Variants in URI1 observed in about 807,000 individuals in gnomAD.
URI1 encodes URI1 prefoldin like chaperone, also known as unconventional prefoldin RPB5 interactor 1.
A neutral mutation model predicts 60.2 loss-of-function variants in URI1; 39 were observed. The ratio of observed to expected loss-of-function variants is 0.65; its 90% CI spans 0.50 to 0.85. URI1 has a LOEUF of 0.85. Among genes scored for constraint, URI1 ranks in the 40% least tolerant of loss-of-function variants. The probability of loss-of-function intolerance (pLI) is 0.00; values close to 1 mark genes in which losing one functional copy is unlikely to be tolerated. For synonymous variants in URI1, 251 were observed against 236.8 expected, an observed-to-expected ratio of 1.06 and a Z score of -0.55; for missense variants, 691 against 665.9, an observed-to-expected ratio of 1.04 and a Z score of -0.42.
intron 6 of URI1, among the ~76,000 whole-genome samples, chr19:30,006,261 C>T (rs961137589): frequency 2.6e-5 from 4 of 152,098 alleles, no homozygotes; most frequent in African/African-American, 7.2e-5. Flanking sequence ...ATGGTTCCTT[C>T]GTCAGTTGTA....
At chr19:29,946,116 G>A (rs1451204422) in intron 1 of URI1, among the ~76,000 whole-genome samples, 1 of 152,146 alleles carries the variant, frequency 6.6e-6, no homozygotes. Context: ...AAGATACAGG[G>A]AGAGGAGAGA....
At chr19:30,005,820 A>G in intron 6 of URI1, 112 bp downstream of exon 6, 2 of 925,218 alleles carry the variant, frequency 2.2e-6, no homozygotes, top group Non-Finnish European at 3.2e-6. Flanking sequence ...TTAAATTCAT[A>G]GGATGCCAAC....
rs1401625785 is a variant in URI1, at chr19:30,015,714, G to A, written c.*645G>A. On this transcript the variant is annotated 3_prime_UTR_variant, in exon 11 of 11. Transcript: ENST00000392271. ...TATGAAACTTGGTCTCAAAAATGTT[G>A]TGAACTTTATGATTCAAAATTGAGT... 6 of 873,188 alleles carry A rather than the reference G, an allele frequency of 6.9e-6. No homozygotes were observed. Among genetic ancestry groups the A allele is most frequent in the Non-Finnish European group, 1.0e-5 (6 of 580,744 alleles). 54.1% of individuals were successfully genotyped at this position (873,188 alleles called of 1,614,324 possible). A position where few individuals can be genotyped will look rare whatever the true frequency, so the allele number is the denominator to read the frequency against.
At chr19:30,007,746 A>G in intron 7 of URI1, 108 bp downstream of exon 7, 1 of 931,082 alleles carries the variant, frequency 1.1e-6, no homozygotes, top group Non-Finnish European at 1.5e-6. Flanking sequence ...AAGAAAATGC[A>G]GGGAAGCATA....
chr19:29,992,093 A>ATC (rs1491176061), intron 4 of URI1, among the ~76,000 whole-genome samples: 2 of 152,144 alleles, frequency 1.3e-5, no homozygotes, highest in Non-Finnish European at 2.9e-5. Flanking sequence ...CTTTTGAGAC[A>ATC]GAGTCTTGCT....
chr19:29,936,809 G>A (rs765733834), intron 1 of URI1, among the ~76,000 whole-genome samples: 1 of 152,084 alleles, frequency 6.6e-6, no homozygotes, highest in Non-Finnish European at 1.5e-5. Flanking sequence ...CTGGAGTGCA[G>A]TGGCATGATC....
chr19:29,943,133 G>GA (rs1303644102), intron 1 of URI1, among the ~76,000 whole-genome samples: 1 of 151,204 alleles, frequency 6.6e-6, no homozygotes, highest in East Asian at 1.9e-4. Flanking sequence ...AAAAAAAAAA[G>GA]AGAGTCTCAC....
chr19:29,977,717 T>C (rs998358859), intron 2 of URI1, among the ~76,000 whole-genome samples: 43 of 152,186 alleles, frequency 2.8e-4, no homozygotes, highest in African/African-American at 9.9e-4. Flanking sequence ...ATTAAGTTTC[T>C]GCACAGTTTT....
At chr19:29,956,792 T>TC (rs2055254005) in intron 1 of URI1, 2 of 1,600,866 alleles carry the variant, frequency 1.2e-6, no homozygotes, top group African/African-American at 2.7e-5. Flanking sequence ...GGTAGCCAGT[T>TC]CCTTTCTGTT....
chr19:29,997,037 G>A (rs1172745789), intron 4 of URI1, among the ~76,000 whole-genome samples: 1 of 152,042 alleles, frequency 6.6e-6, no homozygotes, highest in Non-Finnish European at 1.5e-5. Context: ...ATTTTTATAT[G>A]TATATTCATA....
intron 7 of URI1, 55 bp downstream of exon 7, chr19:30,007,693 CATT>C: frequency 7.0e-7 from 1 of 1,438,274 alleles, no homozygotes; most frequent in East Asian, 2.4e-5. Flanking sequence ...CACATTTCCT[CATT>C]AATCTTTTTC....
chr19:29,943,604 A>G (rs2055060798), intron 1 of URI1, among the ~76,000 whole-genome samples: 2 of 152,208 alleles, frequency 1.3e-5, no homozygotes, highest in South Asian at 2.1e-4. Context: ...ACATTCCTGT[A>G]TAAGAACGAC....
At chr19:29,992,155 C>T (rs1382740047) in intron 4 of URI1, among the ~76,000 whole-genome samples, 1 of 152,182 alleles carries the variant, frequency 6.6e-6, no homozygotes, top group Non-Finnish European at 1.5e-5. Context: ...CTGCAACCTC[C>T]ACCTCCCAAG....
At chr19:29,984,195 G>GT (rs1476246917) in intron 2 of URI1, among the ~76,000 whole-genome samples, 1 of 152,194 alleles carries the variant, frequency 6.6e-6, no homozygotes, top group African/African-American at 2.4e-5. Flanking sequence ...GGAGGCTGCG[G>GT]TGGGGGGATC....
intron 1 of URI1, among the ~76,000 whole-genome samples, chr19:29,935,423 C>G (rs942506845): frequency 1.3e-5 from 2 of 152,076 alleles, no homozygotes; most frequent in Non-Finnish European, 2.9e-5. Flanking sequence ...AGGTGAAAAA[C>G]AAAGTATTAT....
chr19:29,942,112 G>C (rs867861631), upstream of URI1: 1 of 618,832 alleles, frequency 1.6e-6, no homozygotes. Flanking sequence ...GCCCAGCGCG[G>C]ACACCGCCAG....
At chr19:30,007,134 T>C (rs546453572) in intron 6 of URI1, among the ~76,000 whole-genome samples, 170 of 152,258 alleles carry the variant, frequency 1.1e-3, no homozygotes, top group African/African-American at 3.5e-3. Flanking sequence ...CCATTTCTTA[T>C]GCATTTTTGA....
intron 4 of URI1, among the ~76,000 whole-genome samples, chr19:29,995,240 G>A (rs1294477092): frequency 4.0e-5 from 6 of 151,860 alleles, no homozygotes; most frequent in African/African-American, 1.2e-4. Flanking sequence ...TTTTGAAGTG[G>A]CATATCATCA....
intron 1 of URI1, among the ~76,000 whole-genome samples, chr19:29,948,807 A>G (rs1344229943): frequency 6.6e-6 from 1 of 152,102 alleles, no homozygotes; most frequent in Non-Finnish European, 1.5e-5. Context: ...TTTCTATTCG[A>G]CAAAACCGCC....
Sources: allele counts gnomAD v4.1 joint callset (sites outside exome capture counted in the v4.1 genomes callset), GRCh38; gene constraint gnomAD v4.1.1; transcripts MANE v1.5; gene names NCBI Gene and HGNC (gene_info 2026-07-23, HGNC 2026-07-21).